The following SAMSN1 variants were observed in gnomAD, a reference collection of about 807,000 sequenced individuals.
The protein encoded by SAMSN1 is SAM domain, SH3 domain and nuclear localization signals 1, also known as SAM domain-containing protein SAMSN-1.
In SAMSN1, 31 loss-of-function variants were observed where a neutral mutation model predicts 42.0. The observed-to-expected ratio is 0.74, with a 90% confidence interval of 0.55 to 1.00. The LOEUF (loss-of-function observed/expected upper bound fraction) is 1.00. Ranked by LOEUF, SAMSN1 falls within the 50% of genes least tolerant of loss-of-function variation. SAMSN1 has a pLI of 0.00. For synonymous variants in SAMSN1, 178 were observed against 151.9 expected (o/e 1.17, Z -1.26); for missense variants, 464 against 439.4 (o/e 1.06, Z -0.50).
intron 7 of SAMSN1, among the ~76,000 whole-genome samples, chr21:14,497,655 T>C (rs1344539299): frequency 4.6e-5 from 7 of 152,178 alleles, no homozygotes; most frequent in Non-Finnish European, 1.0e-4. Flanking sequence ...TAGAGAAGGC[T>C]GGATTTGATT....
chr21:14,532,837 CA>C (rs1399319583), intron 1 of SAMSN1, among the ~76,000 whole-genome samples: 1 of 151,806 alleles, frequency 6.6e-6, no homozygotes, highest in Non-Finnish European at 1.5e-5. Context: ...TAATAACTTA[CA>C]ATATAAAGAA....
chr21:14,518,600 C>T (rs906338566), intron 2 of SAMSN1, among the ~76,000 whole-genome samples: 1 of 152,158 alleles, frequency 6.6e-6, no homozygotes, highest in East Asian at 1.9e-4. Context: ...TGATGGGAAA[C>T]TTCTCTTTAG....
chr21:14,659,322 A>C (rs1983963298), upstream of SAMSN1, among the ~76,000 whole-genome samples: 1 of 152,046 alleles, frequency 6.6e-6, no homozygotes, highest in South Asian at 2.1e-4. Flanking sequence ...AACCATTTTT[A>C]AGTAAACAGT....
At chr21:14,556,695 C>T (rs1980772695) in intron 2 of SAMSN1, among the ~76,000 whole-genome samples, 1 of 152,146 alleles carries the variant, frequency 6.6e-6, no homozygotes. Flanking sequence ...AGGCATGCTG[C>T]CTCGGAAGCC....
At chr21:14,619,290 AGTT>A (rs1189664148) in intron 2 of SAMSN1, among the ~76,000 whole-genome samples, 1 of 152,176 alleles carries the variant, frequency 6.6e-6, no homozygotes, top group Non-Finnish European at 1.5e-5. Flanking sequence ...ATATGTCAGG[AGTT>A]GTTGTTGCCT....
intron 2 of SAMSN1, among the ~76,000 whole-genome samples, chr21:14,552,460 C>A (rs1317941781): frequency 6.6e-6 from 1 of 151,974 alleles, no homozygotes; most frequent in African/African-American, 2.4e-5. Context: ...TGCATTAGTG[C>A]CCTTATAAAA....
chr21:14,523,773 G>A (rs915017996), intron 1 of SAMSN1, among the ~76,000 whole-genome samples: 1 of 152,170 alleles, frequency 6.6e-6, no homozygotes, highest in Non-Finnish European at 1.5e-5. Flanking sequence ...GGAGGGCACA[G>A]AATAGACTCG....
chr21:14,529,199 C>T (rs911019146), intron 1 of SAMSN1, among the ~76,000 whole-genome samples: 5 of 152,196 alleles, frequency 3.3e-5, no homozygotes, highest in African/African-American at 1.2e-4. Flanking sequence ...TTTTATTCCA[C>T]CTACTCAAAC....
chr21:14,497,398 C>A (rs1210622803), intron 7 of SAMSN1, among the ~76,000 whole-genome samples: 2 of 152,212 alleles, frequency 1.3e-5, no homozygotes, highest in African/African-American at 4.8e-5. Context: ...AGTTCGAGAC[C>A]AGGCTGGCCA....
chr21:14,562,540 A>T (rs975714765), intron 2 of SAMSN1, among the ~76,000 whole-genome samples: 2 of 149,576 alleles, frequency 1.3e-5, no homozygotes, highest in Middle Eastern at 3.5e-3. Context: ...ATATATATTT[A>T]TATATATGTA....
chr21:14,504,921 T>G (rs1987332299), intron 5 of SAMSN1, among the ~76,000 whole-genome samples: 1 of 152,214 alleles, frequency 6.6e-6, no homozygotes, highest in African/African-American at 2.4e-5. Flanking sequence ...CCCAACACGC[T>G]AGAAGGGATT....
intron 6 of SAMSN1, among the ~76,000 whole-genome samples, chr21:14,597,719 A>G (rs1322764912): frequency 6.6e-6 from 1 of 152,128 alleles, no homozygotes; most frequent in Non-Finnish European, 1.5e-5. Flanking sequence ...AGGGTTTCCA[A>G]CCCGGGTGCC....
rs1201069407 is a variant in SAMSN1 at position 14,486,020 on chromosome 21, A to G, written c.1014T>C (p.Ser338=). ...KSQLDDCPRD[S]GCYISSGNSD... ...AATTTCCTGATGAGATATAGCAACCAGAGTCCCTTGGGCAGTCATCTAACT... is the reference window on the plus strand; with the variant it reads ...AATTTCCTGATGAGATATAGCAACCGGAGTCCCTTGGGCAGTCATCTAACT... Residue 338 remains serine, a synonymous_variant, in exon 8 of 8, where the codon TCT becomes TCC. Coordinates refer to ENST00000400566, the MANE Select transcript of SAMSN1 (RefSeq NM_022136.5). 5.0e-6 allele frequency: 8 copies of G among 1,613,676 alleles called. No individual in the cohort carries two copies. Among genetic ancestry groups the G allele is most frequent in the Middle Eastern group, 3.3e-4 (2 of 6,056 alleles).
chr21:14,517,087 A>C, intron 2 of SAMSN1, 46 bp from the exon 3 acceptor site: 1 of 1,533,146 alleles, frequency 6.5e-7, no homozygotes, highest in South Asian at 1.2e-5. Flanking sequence ...AAGCAATAAA[A>C]AACATTGATC....
At chr21:14,582,328 C>T (rs1285451446) in exon 2 of SAMSN1, 1 of 1,550,308 alleles carries the variant, frequency 6.5e-7, no homozygotes, top group African/African-American at 1.4e-5. Flanking sequence ...ATTTATCTTC[C>T]AAGTTGCAGT....
At chr21:14,554,256 G>C (rs996597824) in intron 2 of SAMSN1, among the ~76,000 whole-genome samples, 1 of 152,048 alleles carries the variant, frequency 6.6e-6, no homozygotes, top group Non-Finnish European at 1.5e-5. Flanking sequence ...TTCAAATCCT[G>C]ACTCTGTCAT....
At chr21:14,567,722 A>G (rs1218699590) in intron 2 of SAMSN1, among the ~76,000 whole-genome samples, 1 of 151,368 alleles carries the variant, frequency 6.6e-6, no homozygotes, top group Non-Finnish European at 1.5e-5. Context: ...TCCTAAGGTG[A>G]TGTGTATGGC....
chr21:14,555,956 C>A (rs575050154), intron 2 of SAMSN1, among the ~76,000 whole-genome samples: 19 of 152,266 alleles, frequency 1.2e-4, no homozygotes, highest in Admixed American at 5.9e-4. Context: ...CTGCTTAATT[C>A]ATACTTTATT....
intron 1 of SAMSN1, among the ~76,000 whole-genome samples, chr21:14,536,127 G>A (rs1312365793): frequency 2.6e-5 from 4 of 152,074 alleles, no homozygotes; most frequent in Non-Finnish European, 5.9e-5. Flanking sequence ...AAAGTTCATC[G>A]AAATCTTTAA....
Sources: gnomAD v4.1 joint callset for allele counts (sites outside exome capture counted in the v4.1 genomes callset) on GRCh38, gnomAD v4.1.1 for gene constraint, MANE v1.5 for transcripts, NCBI Gene and HGNC (gene_info 2026-07-23, HGNC 2026-07-21) for gene names.